Variants in RNF180 observed in about 807,000 individuals in gnomAD.
The protein encoded by RNF180 is ring finger protein 180, also known as E3 ubiquitin-protein ligase RNF180.
RNF180 carries 38 observed loss-of-function variants against 59.2 expected under a neutral mutation model. The observed-to-expected ratio is 0.64, with a 90% CI of 0.50 to 0.84. RNF180 has a LOEUF of 0.84. Among genes scored for constraint, RNF180 ranks in the 40% least tolerant of loss-of-function variants. RNF180 has a pLI of 0.00. For synonymous variants in RNF180, 262 were observed against 240.3 expected (o/e 1.09, Z -0.84); for missense variants, 705 against 700.9 (o/e 1.01, Z -0.07).
chr5:64,167,126 G>A (rs1389573917), intron 1 of RNF180, among the ~76,000 whole-genome samples: 1 of 152,182 alleles, frequency 6.6e-6, no homozygotes, highest in Non-Finnish European at 1.5e-5. Context: ...GCCACTGGCA[G>A]CCCAAAGATA....
intron 7 of RNF180, among the ~76,000 whole-genome samples, chr5:64,344,731 G>A (rs1745488752): frequency 6.6e-6 from 1 of 151,930 alleles, no homozygotes; most frequent in Non-Finnish European, 1.5e-5. Context: ...CTGAACCCAG[G>A]AAAGGCCTCT....
intron 5 of RNF180, among the ~76,000 whole-genome samples, chr5:64,311,659 T>A (rs1192380926): frequency 6.6e-6 from 1 of 152,056 alleles, no homozygotes; most frequent in Non-Finnish European, 1.5e-5. Flanking sequence ...CTTTTCCTGG[T>A]TAATTTGTAC....
intron 5 of RNF180, among the ~76,000 whole-genome samples, chr5:64,257,246 A>C (rs1408841445): frequency 1.3e-5 from 2 of 152,204 alleles, no homozygotes. Flanking sequence ...TACGTTGAAT[A>C]GGAGTGGTGA....
intron 5 of RNF180, among the ~76,000 whole-genome samples, chr5:64,240,215 GTATAT>G (rs1742718366): frequency 6.6e-6 from 1 of 152,118 alleles, no homozygotes; most frequent in South Asian, 2.1e-4. Flanking sequence ...TGTTCTCATA[GTATAT>G]TAAATATAGA....
chr5:64,289,082 T>C (rs796619716), intron 5 of RNF180, among the ~76,000 whole-genome samples: 2 of 152,332 alleles, frequency 1.3e-5, no homozygotes, highest in African/African-American at 4.8e-5. Context: ...CCTAGTTTGT[T>C]GAGAATTTTT....
intron 5 of RNF180, among the ~76,000 whole-genome samples, chr5:64,262,745 A>G (rs2112323467): frequency 6.6e-6 from 1 of 152,268 alleles, no homozygotes; most frequent in Non-Finnish European, 1.5e-5. Context: ...TAGAAAATTC[A>G]TTTTGGCCTT....
intron 1 of RNF180, among the ~76,000 whole-genome samples, chr5:64,174,592 C>T (rs951160505): frequency 1.3e-5 from 2 of 151,984 alleles, no homozygotes; most frequent in South Asian, 2.1e-4. Context: ...ATCATATACC[C>T]GTTGGCCATT....
At chr5:64,267,052 G>T (rs1035103281) in intron 5 of RNF180, among the ~76,000 whole-genome samples, 1 of 152,134 alleles carries the variant, frequency 6.6e-6, no homozygotes, top group Admixed American at 6.6e-5. Flanking sequence ...TCAGACTGTG[G>T]TGAGACATTA....
At position 64,222,492 on chromosome 5, in the gene RNF180, G is replaced by A. The variant is rs74732325; in HGVS notation, c.1227+5096G>A. Among the ~76,000 whole-genome samples the A allele has an allele frequency of 9.8e-3, 1,498 of 152,184 alleles. 33 individuals are homozygous for A. Among genetic ancestry groups the A allele is most frequent in the African/African-American group, 0.034 (1,394 of 41,506 alleles). ...CAGGTGCAAGCTTCCAAGAGTTCTC[G>A]CCCCATGGAGTTACACAGAATGTGC... On this transcript the variant is annotated intron_variant, in intron 5 of 7. Coordinates refer to ENST00000389100, the MANE Select transcript of RNF180 (RefSeq NM_001113561.2).
chr5:64,333,630 A>G (rs369464971), intron 7 of RNF180, among the ~76,000 whole-genome samples: 12 of 151,452 alleles, frequency 7.9e-5, no homozygotes, highest in African/African-American at 2.9e-4. Context: ...GCTATACCCA[A>G]AGTTCTAAAA....
intron 7 of RNF180, among the ~76,000 whole-genome samples, chr5:64,354,216 C>G (rs933684475): frequency 2.6e-5 from 4 of 151,448 alleles, no homozygotes; most frequent in African/African-American, 9.7e-5. Context: ...AAGCTTTTAC[C>G]TACACTGACA....
chr5:64,218,568 A>G (rs1273340480), intron 5 of RNF180, among the ~76,000 whole-genome samples: 1 of 152,154 alleles, frequency 6.6e-6, no homozygotes. Context: ...TTGACTTTCC[A>G]TATAAAACTT....
At chr5:64,351,900 G>A (rs948379062) in intron 7 of RNF180, among the ~76,000 whole-genome samples, 5 of 152,052 alleles carry the variant, frequency 3.3e-5, no homozygotes, top group African/African-American at 1.2e-4. Context: ...TTGGTATCAG[G>A]ATGATTCTGG....
intron 1 of RNF180, among the ~76,000 whole-genome samples, chr5:64,169,617 A>G (rs1009896489): frequency 2.7e-4 from 41 of 152,348 alleles, no homozygotes; most frequent in African/African-American, 9.9e-4. Context: ...CGAGAAAGAC[A>G]AAGAATCCAC....
intron 5 of RNF180, among the ~76,000 whole-genome samples, chr5:64,241,905 A>G (rs1373895291): frequency 6.6e-6 from 1 of 152,164 alleles, no homozygotes; most frequent in Non-Finnish European, 1.5e-5. Flanking sequence ...GGCCCACCAC[A>G]GCATTCAGCA....
At chr5:64,216,429 C>T (rs1316692237) in intron 4 of RNF180, among the ~76,000 whole-genome samples, 1 of 152,102 alleles carries the variant, frequency 6.6e-6, no homozygotes, top group Non-Finnish European at 1.5e-5. Context: ...TGAGTAATGA[C>T]TTCAGTACAG....
chr5:64,200,332 A>G lies in RNF180; in HGVS notation c.1-476A>G, dbSNP rs151288105. On this transcript the variant is annotated intron_variant, in intron 1 of 7. Transcript: ENST00000389100. Reference sequence around the variant, plus strand: ...TAGCCAAGTGTGGTGGTGCACTCCTATAGTCCCTGGTACTCAGGAGACTGA... The same window carrying G: ...TAGCCAAGTGTGGTGGTGCACTCCTGTAGTCCCTGGTACTCAGGAGACTGA... 4.7e-3 allele frequency among the ~76,000 whole-genome samples: 709 copies of G among 152,296 alleles called. 5 individuals are homozygous for G. The highest frequency in any genetic ancestry group is 0.016 in the African/African-American group (683 of 41,560).
intron 5 of RNF180, among the ~76,000 whole-genome samples, chr5:64,227,612 G>A (rs903261964): frequency 3.3e-5 from 5 of 152,302 alleles, no homozygotes; most frequent in East Asian, 1.9e-4. Context: ...GACCAAACCC[G>A]AATCTTGGTT....
chr5:64,366,294 A>G (rs978485571), intron 7 of RNF180, among the ~76,000 whole-genome samples: 6 of 151,606 alleles, frequency 4.0e-5, no homozygotes, highest in South Asian at 4.1e-4. Flanking sequence ...TAGACCCCCA[A>G]TCTCTTCTGG....
Sources: gnomAD v4.1 joint callset for allele counts (sites outside exome capture counted in the v4.1 genomes callset) on GRCh38, gnomAD v4.1.1 for gene constraint, MANE v1.5 for transcripts, NCBI Gene and HGNC (gene_info 2026-07-23, HGNC 2026-07-21) for gene names.